The following CNTLN variants were observed in gnomAD, a reference collection of about 807,000 sequenced individuals.
CNTLN encodes the protein centlein, also known as centlein, centrosomal protein.
In CNTLN, 212 loss-of-function variants were observed where a neutral mutation model predicts 180.0. That is an observed-to-expected ratio of 1.18 (90% confidence interval 1.05 to 1.32). The LOEUF is 1.32. Among genes scored for constraint, CNTLN ranks in the 40% most tolerant of loss-of-function variants. The pLI, the probability that CNTLN is intolerant of heterozygous loss-of-function variation, is 0.00. For synonymous variants in CNTLN, 722 were observed against 563.1 expected (o/e 1.28, Z -3.99); for missense variants, 2,095 against 1,610.9 (o/e 1.30, Z -5.14).
intron 12 of CNTLN, among the ~76,000 whole-genome samples, chr9:17,343,114 A>T (rs1821615357): frequency 6.6e-6 from 1 of 152,242 alleles, no homozygotes; most frequent in African/African-American, 2.4e-5. Flanking sequence ...ATAAAACTTG[A>T]TGAAGGATAC....
chr9:17,212,598 T>C (rs963731312), intron 2 of CNTLN, among the ~76,000 whole-genome samples: 10 of 152,330 alleles, frequency 6.6e-5, no homozygotes, highest in African/African-American at 2.4e-4. Flanking sequence ...TTCCCTCTTT[T>C]TCTACTCATT....
intron 2 of CNTLN, among the ~76,000 whole-genome samples, chr9:17,155,090 T>C (rs1404274317): frequency 6.6e-6 from 1 of 152,092 alleles, no homozygotes; most frequent in Non-Finnish European, 1.5e-5. Context: ...GGTCTGCGGC[T>C]TCACTCCTGA....
intron 5 of CNTLN, among the ~76,000 whole-genome samples, chr9:17,264,076 C>T (rs10810741): frequency 0.49 from 62,593 of 129,048 alleles, 17,774 homozygotes; most frequent in South Asian, 0.75. Context: ...TTTTGGCTTT[C>T]GTTGCCATTG....
chr9:17,381,740 A>G (rs145686562), intron 13 of CNTLN, among the ~76,000 whole-genome samples: 1 of 152,326 alleles, frequency 6.6e-6, no homozygotes, highest in African/African-American at 2.4e-5. Context: ...CAGCTGGGAT[A>G]ACTGTGCTGC....
chr9:17,168,387 C>CG (rs1310249981), intron 2 of CNTLN: 2 of 152,074 alleles, frequency 1.3e-5, no homozygotes, highest in Non-Finnish European at 2.9e-5. Flanking sequence ...GTTATATCCC[C>CG]AAATTTAAGA....
At chr9:17,356,667 T>C (rs539851347) in intron 12 of CNTLN, among the ~76,000 whole-genome samples, 77 of 152,332 alleles carry the variant, frequency 5.1e-4, no homozygotes, top group African/African-American at 1.8e-3. Flanking sequence ...CTTTCCTTTG[T>C]TACTTCAATA....
chr9:17,523,292 A>G, the CNTLN span, among the ~76,000 whole-genome samples: 2 of 152,156 alleles, frequency 1.3e-5, no homozygotes, highest in African/African-American at 4.8e-5. Flanking sequence ...GCTGGAGTGC[A>G]GTGGTGCAAT....
intron 13 of CNTLN, among the ~76,000 whole-genome samples, chr9:17,367,751 G>A (rs1190778230): frequency 6.6e-6 from 1 of 152,118 alleles, no homozygotes; most frequent in African/African-American, 2.4e-5. Flanking sequence ...TGGGCTAGAA[G>A]CGAACCTGGT....
chr9:17,307,577 A>AT (rs144434289), intron 7 of CNTLN, among the ~76,000 whole-genome samples: 17,498 of 151,486 alleles, frequency 0.12, 1,118 homozygotes, highest in South Asian at 0.28. Context: ...CCAGAGATAC[A>AT]TTTTTTTTTA....
At chr9:17,219,997 T>C (rs2132040711) in intron 2 of CNTLN, among the ~76,000 whole-genome samples, 1 of 152,126 alleles carries the variant, frequency 6.6e-6, no homozygotes, top group South Asian at 2.1e-4. Flanking sequence ...TACTATGACA[T>C]TGGTTATTAG....
At chr9:17,363,921 G>C (rs369169966) in intron 12 of CNTLN, among the ~76,000 whole-genome samples, 3 of 152,010 alleles carry the variant, frequency 2.0e-5, no homozygotes, top group African/African-American at 4.8e-5. Context: ...ACTTTGGCAT[G>C]TGAAAGATAT....
intron 23 of CNTLN, among the ~76,000 whole-genome samples, chr9:17,477,949 C>T (rs1027170961): frequency 2.0e-5 from 3 of 152,136 alleles, no homozygotes; most frequent in African/African-American, 7.2e-5. Flanking sequence ...AAGGAAGAAT[C>T]AATTAATATG....
At chr9:17,373,176 A>C (rs1702005774) in intron 13 of CNTLN, among the ~76,000 whole-genome samples, 1 of 152,212 alleles carries the variant, frequency 6.6e-6, no homozygotes, top group South Asian at 2.1e-4. Flanking sequence ...CAAATTAGGA[A>C]GAAGTCAAAT....
chr9:17,505,138 A>AT (rs549238447), downstream of CNTLN, among the ~76,000 whole-genome samples: 629 of 74,506 alleles, frequency 8.4e-3, 4 homozygotes, highest in African/African-American at 0.03. Flanking sequence ...GCACTCATTT[A>AT]TTTTAAAAAA....
intron 18 of CNTLN, among the ~76,000 whole-genome samples, chr9:17,454,946 A>T (rs1033618407): frequency 4.6e-5 from 7 of 152,228 alleles, no homozygotes; most frequent in African/African-American, 7.2e-5. Flanking sequence ...GCTGCTAATA[A>T]ACAAGAAAAA....
chr9:17,507,504 TA>T (rs1833953959), downstream of CNTLN, among the ~76,000 whole-genome samples: 1 of 152,212 alleles, frequency 6.6e-6, no homozygotes, highest in African/African-American at 2.4e-5. Context: ...TTTGCATATA[TA>T]ACTACTAATT....
chr9:17,189,787 T>C (rs4289910), intron 2 of CNTLN, among the ~76,000 whole-genome samples: 1 of 151,906 alleles, frequency 6.6e-6, no homozygotes, highest in Admixed American at 6.6e-5. Context: ...GTGCCTGGGC[T>C]CACTATTAAG....
chr9:17,399,545 G>A (rs1308310060), intron 15 of CNTLN, among the ~76,000 whole-genome samples: 3 of 152,052 alleles, frequency 2.0e-5, no homozygotes, highest in African/African-American at 7.2e-5. Flanking sequence ...CAGGAATATG[G>A]CATTTGGATC....
chr9:17,372,338 A>G (rs910108202), intron 13 of CNTLN, among the ~76,000 whole-genome samples: 1 of 152,136 alleles, frequency 6.6e-6, no homozygotes, highest in Non-Finnish European at 1.5e-5. Flanking sequence ...TGCCAAATTC[A>G]TATCAGCTAT....
Sources: allele counts gnomAD v4.1 joint callset (sites outside exome capture counted in the v4.1 genomes callset), GRCh38; gene constraint gnomAD v4.1.1; transcripts MANE v1.5; gene names NCBI Gene and HGNC (gene_info 2026-07-23, HGNC 2026-07-21).